Variants in TPTE observed in about 807,000 individuals in gnomAD.
TPTE encodes the protein transmembrane phosphatase with tensin homology.
TPTE carries 59 observed loss-of-function variants against 84.1 expected under a neutral mutation model. That is an observed-to-expected ratio of 0.70 (90% CI 0.57 to 0.87). The LOEUF is 0.87. Among genes scored for constraint, TPTE ranks in the 40% least tolerant of loss-of-function variants. The pLI is 0.00. For synonymous variants in TPTE, 130 were observed against 223.5 expected, an observed-to-expected ratio of 0.58 and a Z score of 3.73; for missense variants, 382 against 659.6, an observed-to-expected ratio of 0.58 and a Z score of 4.61.
intron 18 of TPTE, among the ~76,000 whole-genome samples, chr21:10,591,590 AAAAC>A (rs1186424396): frequency 6.6e-6 from 1 of 152,308 alleles, no homozygotes; most frequent in Non-Finnish European, 1.5e-5. Flanking sequence ...TGCAACTTAA[AAAAC>A]AAAAGGTTTG....
At chr21:10,559,971 A>G (rs1394888868) in intron 9 of TPTE, among the ~76,000 whole-genome samples, 5 of 152,274 alleles carry the variant, frequency 3.3e-5, no homozygotes, top group Non-Finnish European at 7.3e-5. Flanking sequence ...AATGAGAAAT[A>G]CTGAAATAAA....
chr21:10,529,316 G>A (rs1284936143), intron 3 of TPTE, among the ~76,000 whole-genome samples: 1 of 152,310 alleles, frequency 6.6e-6, no homozygotes, highest in African/African-American at 2.4e-5. Context: ...ATGTTTAAAA[G>A]TGGGATATAG....
At chr21:10,558,399 A>G (rs558302822) in intron 8 of TPTE, among the ~76,000 whole-genome samples, 239 of 152,278 alleles carry the variant, frequency 1.6e-3, no homozygotes, top group African/African-American at 5.4e-3. Flanking sequence ...TTTCTCTGCA[A>G]CCTTGCCCGC....
intron 22 of TPTE, 40 bp from the exon 23 acceptor site, chr21:10,603,522 T>C: frequency 1.9e-6 from 3 of 1,567,232 alleles, no homozygotes; most frequent in Non-Finnish European, 1.7e-6. Flanking sequence ...TGATTAGTTC[T>C]TGGTATCAGT....
intron 23 of TPTE, among the ~76,000 whole-genome samples, chr21:10,604,987 TGTG>T (rs1475725446): frequency 1.3e-5 from 2 of 152,306 alleles, no homozygotes; most frequent in African/African-American, 4.8e-5. Flanking sequence ...ACACTCAGCA[TGTG>T]GGAGTTATAT....
At chr21:10,557,244 A>G (rs1172462209) in intron 8 of TPTE, among the ~76,000 whole-genome samples, 1 of 152,302 alleles carries the variant, frequency 6.6e-6, no homozygotes, top group East Asian at 1.9e-4. Context: ...TGTGAACAGT[A>G]CTTTTCCTGG....
intron 1 of TPTE, among the ~76,000 whole-genome samples, chr21:10,524,193 C>T (rs1459297760): frequency 1.3e-5 from 2 of 152,310 alleles, no homozygotes; most frequent in African/African-American, 2.4e-5. Flanking sequence ...ATCCCATCCT[C>T]TGCCCTCTCT....
At chr21:10,577,624 GT>G (rs2075184505) in intron 15 of TPTE, 104 bp downstream of exon 15, 2 of 1,595,308 alleles carry the variant, frequency 1.3e-6, no homozygotes, top group Non-Finnish European at 1.7e-6. Context: ...TAAGTATTTG[GT>G]AGTGGCAAGG....
At chr21:10,568,145 T>G (rs1368013869) in intron 11 of TPTE, among the ~76,000 whole-genome samples, 1 of 152,306 alleles carries the variant, frequency 6.6e-6, no homozygotes, top group Non-Finnish European at 1.5e-5. Flanking sequence ...AAGTATAATA[T>G]TCTTATCAGT....
chr21:10,534,160 CA>C (rs1198706664), intron 3 of TPTE, among the ~76,000 whole-genome samples: 1 of 152,310 alleles, frequency 6.6e-6, no homozygotes, highest in East Asian at 1.9e-4. Flanking sequence ...GAGGCAACCT[CA>C]GGGAAAATTT....
intron 10 of TPTE, among the ~76,000 whole-genome samples, chr21:10,562,773 T>C (rs1483292239): frequency 1.3e-5 from 2 of 152,294 alleles, no homozygotes; most frequent in East Asian, 3.8e-4. Flanking sequence ...ATCTAGAAAA[T>C]AGCCTCAAAA....
intron 7 of TPTE, among the ~76,000 whole-genome samples, chr21:10,549,848 A>G (rs1428145842): frequency 2.6e-5 from 4 of 152,280 alleles, no homozygotes; most frequent in East Asian, 3.8e-4. Context: ...AAGAACCCCA[A>G]ATACATTCAA....
chr21:10,575,931 A>G (rs1172792273), intron 14 of TPTE, among the ~76,000 whole-genome samples: 2 of 152,310 alleles, frequency 1.3e-5, no homozygotes, highest in Non-Finnish European at 2.9e-5. Flanking sequence ...AAAGCCAAAA[A>G]ATAACATGCT....
intron 14 of TPTE, among the ~76,000 whole-genome samples, chr21:10,572,024 A>C (rs1359965976): frequency 2.3e-3 from 352 of 151,772 alleles, no homozygotes; most frequent in African/African-American, 8.0e-3. Context: ...AAAAAAATAC[A>C]ATCAAGAGCT....
At chr21:10,534,682 G>T (rs899915474) in intron 3 of TPTE, among the ~76,000 whole-genome samples, 4 of 152,306 alleles carry the variant, frequency 2.6e-5, no homozygotes, top group Middle Eastern at 3.2e-3. Context: ...TTATGTGTGT[G>T]TATGTTCATA....
At chr21:10,549,456 A>G (rs374253617) in intron 7 of TPTE, among the ~76,000 whole-genome samples, 1,881 of 151,636 alleles carry the variant, frequency 0.012, no homozygotes, top group South Asian at 0.062. Context: ...AGACAAGTCA[A>G]TGAAATCAGG....
At chr21:10,556,917 G>A (rs2074695588) in intron 8 of TPTE, among the ~76,000 whole-genome samples, 1 of 152,294 alleles carries the variant, frequency 6.6e-6, no homozygotes, top group Admixed American at 6.5e-5. Context: ...AAATTTGTTT[G>A]AGTTCTTTGT....
chr21:10,529,986 C>T (rs1420793530), intron 3 of TPTE, among the ~76,000 whole-genome samples: 3 of 152,298 alleles, frequency 2.0e-5, no homozygotes, highest in East Asian at 3.8e-4. Context: ...GCTATTCCTA[C>T]CCCTATTTGT....
intron 8 of TPTE, among the ~76,000 whole-genome samples, chr21:10,558,579 C>G (rs1313086246): frequency 6.6e-6 from 1 of 152,312 alleles, no homozygotes; most frequent in Non-Finnish European, 1.5e-5. Flanking sequence ...TGTCAAAGGC[C>G]AATTGTCAGT....
Sources: allele counts gnomAD v4.1 joint callset (sites outside exome capture counted in the v4.1 genomes callset), GRCh38; gene constraint gnomAD v4.1.1; transcripts MANE v1.5; gene names NCBI Gene and HGNC (gene_info 2026-07-23, HGNC 2026-07-21).